The following GLB1L3 variants were observed in gnomAD, a reference collection of about 807,000 sequenced individuals.
GLB1L3 encodes the protein galactosidase beta 1 like 3, also known as beta-galactosidase-1-like protein 3.
A neutral mutation model predicts 89.5 loss-of-function variants in GLB1L3; 89 were observed. The ratio of observed to expected loss-of-function variants is 0.99; its 90% confidence interval spans 0.84 to 1.19. The LOEUF is 1.19. Among genes scored for constraint, GLB1L3 ranks in the 50% most tolerant of loss-of-function variants. The probability of loss-of-function intolerance (pLI) is 0.00; values close to 1 mark genes in which losing one functional copy is unlikely to be tolerated. For missense variants in GLB1L3, 812 were observed against 813.3 expected (o/e 1.00, Z 0.02); for synonymous variants, 314 against 312.3 (o/e 1.01, Z -0.06).
Position 134,319,098 on chromosome 11 carries a change from G to A in GLB1L3, c.*156G>A. 1.6e-6 allele frequency: 1 copy of A among 606,450 alleles called. No individual in the cohort carries two copies. The highest frequency in any genetic ancestry group is 2.0e-5 in the South Asian group (1 of 50,870). The allele number at this position is 606,450 out of a possible 1,614,324, so 37.6% of individuals were successfully genotyped here. A position where few individuals can be genotyped will look rare whatever the true frequency, so the allele number is the denominator to read the frequency against. ...GCCTCCCCAGCAGCTGGGACTACAG[G>A]TGCACGCCACCACGCCTGGCTAATT... is the stretch of plus-strand genomic sequence containing the variant. On this transcript the variant is annotated 3_prime_UTR_variant, in exon 20 of 20. Transcript: ENST00000431683.
At chr11:134,288,984 CTG>C (rs1037857188) in intron 7 of GLB1L3, 94 bp downstream of exon 7, 4 of 813,994 alleles carry the variant, frequency 4.9e-6, no homozygotes, top group South Asian at 1.9e-5. Context: ...GGGCTGGACA[CTG>C]TGCATTCTGA....
intron 9 of GLB1L3, chr11:134,305,089 T>C: frequency 1.3e-6 from 2 of 1,548,832 alleles, no homozygotes; most frequent in Non-Finnish European, 1.7e-6. Context: ...TTTACCCATC[T>C]TCCTTTTTGC....
chr11:134,303,627 A>T (rs1202214152), intron 9 of GLB1L3, among the ~76,000 whole-genome samples: 1 of 152,082 alleles, frequency 6.6e-6, no homozygotes, highest in Admixed American at 6.5e-5. Context: ...GACTCTGGCC[A>T]CTCCATCAGA....
rs1303101698 is a variant in GLB1L3 at position 134,292,146 on chromosome 11, A to G, written c.744A>G (p.Arg248=). The change falls in exon 8 of 20, where the codon AGA becomes AGG. Residue 248 remains arginine, a synonymous_variant. Coordinates refer to ENST00000431683, the MANE Select transcript of GLB1L3 (RefSeq NM_001080407.3). ...TTTCTCAACAGGCCCTGCTGAGAAG[A>G]GGGATTGTGGAGCTTCTCTTGACCT... ...MPYLHKALLR[R]GIVELLLTSD... 1.9e-6 allele frequency: 3 copies of G among 1,613,518 alleles called. No homozygotes were observed. Among genetic ancestry groups the G allele is most frequent in the Admixed American group, 3.3e-5 (2 of 60,006 alleles).
downstream of GLB1L3, among the ~76,000 whole-genome samples, chr11:134,321,108 C>G (rs1943161925): frequency 6.6e-6 from 1 of 152,120 alleles, no homozygotes; most frequent in Non-Finnish European, 1.5e-5. Flanking sequence ...CAAACGTTAA[C>G]TCCATAGAAA....
chr11:134,308,533 TACC>T (rs1565414338), intron 10 of GLB1L3, among the ~76,000 whole-genome samples: 5 of 23,336 alleles, frequency 2.1e-4, no homozygotes, highest in African/African-American at 5.5e-4. Flanking sequence ...CCACCACCAC[TACC>T]ACCACCATCA....
At chr11:134,324,710 C>T in the GLB1L3 span, among the ~76,000 whole-genome samples, 2 of 152,086 alleles carry the variant, frequency 1.3e-5, no homozygotes, top group African/African-American at 4.8e-5. Context: ...CCAAAGAAGA[C>T]TTTTTCTTCA....
At chr11:134,300,211 C>T (rs1258836694) in intron 9 of GLB1L3, among the ~76,000 whole-genome samples, 1 of 151,928 alleles carries the variant, frequency 6.6e-6, no homozygotes, top group African/African-American at 2.4e-5. Flanking sequence ...GCTTATTGGA[C>T]GGCTGTCTTC....
chr11:134,296,168 C>T (rs928293991), intron 9 of GLB1L3, among the ~76,000 whole-genome samples: 1 of 151,104 alleles, frequency 6.6e-6, no homozygotes, highest in African/African-American at 2.4e-5. Context: ...GTTAGAATGG[C>T]AGTCATTAAA....
chr11:134,302,109 C>G (rs912600117), intron 9 of GLB1L3, among the ~76,000 whole-genome samples: 3 of 152,194 alleles, frequency 2.0e-5, no homozygotes, highest in Non-Finnish European at 4.4e-5. Context: ...GTGACCCCAT[C>G]AGTCTTTCAT....
At chr11:134,303,659 G>T (rs1432938216) in intron 9 of GLB1L3, among the ~76,000 whole-genome samples, 10 of 152,076 alleles carry the variant, frequency 6.6e-5, no homozygotes, top group Non-Finnish European at 1.5e-5. Context: ...GATTTTTCTT[G>T]TATTTGATTT....
intron 5 of GLB1L3, 86 bp from the exon 6 acceptor site, chr11:134,283,651 G>C (rs1034549083): frequency 5.4e-5 from 38 of 700,580 alleles, no homozygotes; most frequent in Non-Finnish European, 7.9e-5. Flanking sequence ...GGGCAGATGT[G>C]CGGCGAGCCG....
intron 9 of GLB1L3, among the ~76,000 whole-genome samples, chr11:134,301,774 T>C (rs146609776): frequency 1.3e-5 from 2 of 152,302 alleles, no homozygotes; most frequent in African/African-American, 4.8e-5. Flanking sequence ...AGTTTTATAT[T>C]TGGTATATTT....
intron 10 of GLB1L3, among the ~76,000 whole-genome samples, chr11:134,308,304 ACCACC>A (rs1942385202): frequency 1.9e-5 from 1 of 53,684 alleles, no homozygotes; most frequent in Non-Finnish European, 3.7e-5. Context: ...CACCACCACC[ACCACC>A]ACTACCACCA....
chr11:134,308,724 G>A (rs544412382), intron 10 of GLB1L3, among the ~76,000 whole-genome samples: 7 of 149,538 alleles, frequency 4.7e-5, no homozygotes, highest in African/African-American at 1.5e-4. Context: ...CTCTTGTATG[G>A]CAGGCACTGT....
At position 134,283,856 on chromosome 11, in the gene GLB1L3, A is replaced by C. The variant is rs1483166092; in HGVS notation, c.636+11A>C. 1.3e-6 allele frequency: 2 copies of C among 1,492,406 alleles called. No homozygotes were observed. The highest frequency in any genetic ancestry group is 2.8e-5 in the African/African-American group (2 of 72,534). The allele number at this position is 1,492,406 out of a possible 1,614,324, so 92.4% of individuals were successfully genotyped here. On this transcript the variant is annotated intron_variant, in intron 6 of 19. Coordinates refer to ENST00000431683, the MANE Select transcript of GLB1L3 (RefSeq NM_001080407.3). Reference sequence around the variant, plus strand: ...GTGATTCCTCTCCAGGTAAAGCCAAATTGTCCCCTGCATCTTTCTTACGTG... The same window carrying C: ...GTGATTCCTCTCCAGGTAAAGCCAACTTGTCCCCTGCATCTTTCTTACGTG...
chr11:134,312,712 C>G, intron 14 of GLB1L3, 104 bp from the exon 15 acceptor site: 1 of 1,009,166 alleles, frequency 9.9e-7, no homozygotes, highest in Non-Finnish European at 1.5e-6. Flanking sequence ...AGCACCACAG[C>G]TGGTCCCTGC....
chr11:134,307,445 A>G (rs1052042293), intron 10 of GLB1L3, among the ~76,000 whole-genome samples: 2 of 152,220 alleles, frequency 1.3e-5, no homozygotes, highest in Admixed American at 6.5e-5. Flanking sequence ...GAGTAAAACA[A>G]TCAATATGTA....
intron 9 of GLB1L3, among the ~76,000 whole-genome samples, chr11:134,302,167 A>C (rs1408091573): frequency 6.6e-6 from 1 of 152,170 alleles, no homozygotes; most frequent in Non-Finnish European, 1.5e-5. Context: ...CTCACCTGAT[A>C]CATTTCCAAT....
Sources: allele counts gnomAD v4.1 joint callset (sites outside exome capture counted in the v4.1 genomes callset), GRCh38; gene constraint gnomAD v4.1.1; transcripts MANE v1.5; gene names NCBI Gene and HGNC (gene_info 2026-07-23, HGNC 2026-07-21).